FANCL: variants seen among roughly 807,000 people sequenced by gnomAD.
FANCL encodes FA complementation group L, also known as E3 ubiquitin-protein ligase FANCL.
A neutral mutation model predicts 59.4 loss-of-function variants in FANCL; 69 were observed. The ratio of observed to expected loss-of-function variants is 1.16; its 90% CI spans 0.96 to 1.42. The LOEUF (loss-of-function observed/expected upper bound fraction) is 1.42, where lower values mean the gene tolerates loss of function less well. Among genes scored for constraint, FANCL ranks in the 40% most tolerant of loss-of-function variants. FANCL has a pLI of 0.00. For synonymous variants in FANCL, 180 were observed against 147.1 expected (o/e 1.22, Z -1.62); for missense variants, 519 against 447.2 (o/e 1.16, Z -1.45).
chr2:58,192,202 G>T (rs114975892), intron 7 of FANCL, among the ~76,000 whole-genome samples: 1,758 of 151,928 alleles, frequency 0.012, 27 homozygotes, highest in African/African-American at 0.038. Flanking sequence ...CATTCCACAA[G>T]TATCTCATGT....
chr2:58,220,589 T>C (rs546930755), intron 5 of FANCL, among the ~76,000 whole-genome samples: 2 of 148,424 alleles, frequency 1.3e-5, no homozygotes, highest in African/African-American at 5.3e-5. Context: ...TAAGTCTCTA[T>C]TTAGTTTTTC....
intron 7 of FANCL, among the ~76,000 whole-genome samples, chr2:58,166,342 T>C (rs1685953030): frequency 6.6e-6 from 1 of 152,170 alleles, no homozygotes; most frequent in Non-Finnish European, 1.5e-5. Context: ...TTAAATATTA[T>C]TAAAAACTTT....
chr2:58,240,287 G>A (rs927773588), intron 1 of FANCL, among the ~76,000 whole-genome samples: 6 of 152,140 alleles, frequency 3.9e-5, no homozygotes, highest in Non-Finnish European at 8.8e-5. Context: ...TTCTGTGATG[G>A]TCATATGGTA....
chr2:58,228,123 GT>G (rs201513341), intron 3 of FANCL, among the ~76,000 whole-genome samples: 2,737 of 151,358 alleles, frequency 0.018, 79 homozygotes, highest in African/African-American at 0.06. Flanking sequence ...TGTGATTTTT[GT>G]CCTCTCACAA....
At position 58,160,931 on chromosome 2, in the gene FANCL, T is replaced by C. The variant is rs187462715; in HGVS notation, c.1020+591A>G. ...TCTGTATATAGTTACACACAGTTTA[T>C]CATGTATCAACTAGGCCCTAAGGTG... On this transcript the variant is annotated intron_variant, in intron 12 of 13. Coordinates refer to ENST00000233741, the MANE Select transcript of FANCL (RefSeq NM_018062.4). Among the ~76,000 whole-genome samples the C allele has an allele frequency of 2.4e-3, 363 of 152,064 alleles. 6 individuals are homozygous for C. The Middle Eastern group carries it at 0.061, about 26-fold the overall frequency.
chr2:58,194,681 C>T (rs1416409908), intron 7 of FANCL, among the ~76,000 whole-genome samples: 2 of 151,994 alleles, frequency 1.3e-5, no homozygotes, highest in Non-Finnish European at 2.9e-5. Context: ...GCTGATCATG[C>T]TGTGAGACAC....
At chr2:58,226,572 T>C (rs1000155900) in intron 4 of FANCL, among the ~76,000 whole-genome samples, 156 bp downstream of exon 4, 3 of 152,148 alleles carry the variant, frequency 2.0e-5, no homozygotes, top group Non-Finnish European at 2.9e-5. Context: ...GTTCAAGAAA[T>C]GCGTCATCTA....
intron 7 of FANCL, among the ~76,000 whole-genome samples, chr2:58,171,934 A>C (rs1214688183): frequency 2.0e-5 from 3 of 152,202 alleles, no homozygotes; most frequent in Non-Finnish European, 4.4e-5. Flanking sequence ...GGTTTAAAAA[A>C]CGGCACACCA....
At chr2:58,194,281 A>G (rs553443669) in intron 7 of FANCL, 8 of 471,028 alleles carry the variant, frequency 1.7e-5, no homozygotes, top group South Asian at 1.1e-4. Context: ...GACCTGGACA[A>G]AAGGAATTTC....
At chr2:58,219,060 C>CTGA (rs1692142352) in intron 5 of FANCL, among the ~76,000 whole-genome samples, 1 of 144,304 alleles carries the variant, frequency 6.9e-6, no homozygotes. Context: ...GCAACCAGGA[C>CTGA]TCCTTGGAAA....
At chr2:58,205,910 G>C (rs1432609091) in intron 5 of FANCL, among the ~76,000 whole-genome samples, 1 of 152,052 alleles carries the variant, frequency 6.6e-6, no homozygotes, top group Non-Finnish European at 1.5e-5. Flanking sequence ...TAATTACTCT[G>C]CCACTAACTT....
At chr2:58,239,043 T>C (rs893776301) in intron 1 of FANCL, among the ~76,000 whole-genome samples, 7 of 152,144 alleles carry the variant, frequency 4.6e-5, no homozygotes, top group African/African-American at 1.7e-4. Flanking sequence ...AAGCAGGCAA[T>C]GCTACTCCTT....
chr2:58,179,933 A>G (rs1478703534), intron 7 of FANCL, among the ~76,000 whole-genome samples: 1 of 152,232 alleles, frequency 6.6e-6, no homozygotes, highest in East Asian at 1.9e-4. Flanking sequence ...ACATTTCTCA[A>G]AAGAACACAT....
intron 7 of FANCL, among the ~76,000 whole-genome samples, chr2:58,189,054 T>C (rs1247201858): frequency 1.3e-5 from 2 of 152,120 alleles, no homozygotes; most frequent in Non-Finnish European, 2.9e-5. Flanking sequence ...AACAAATCAA[T>C]GGTAGCATAA....
chr2:58,160,392 C>T (rs1684967310), intron 12 of FANCL, among the ~76,000 whole-genome samples: 1 of 151,950 alleles, frequency 6.6e-6, no homozygotes, highest in African/African-American at 2.4e-5. Flanking sequence ...GAATTGAAGG[C>T]CTAAACCACT....
At chr2:58,215,695 A>AT (rs1691643565) in intron 5 of FANCL, among the ~76,000 whole-genome samples, 1 of 141,258 alleles carries the variant, frequency 7.1e-6, no homozygotes. Flanking sequence ...GAGAGCTGCT[A>AT]TTAAGTGGCA....
chr2:58,164,587 A>C (rs972188183), intron 8 of FANCL, among the ~76,000 whole-genome samples: 2 of 151,858 alleles, frequency 1.3e-5, no homozygotes, highest in African/African-American at 4.8e-5. Flanking sequence ...TCATGCCTGG[A>C]GGAGAAAAAA....
intron 7 of FANCL, among the ~76,000 whole-genome samples, chr2:58,173,852 A>C (rs1686955833): frequency 6.6e-6 from 1 of 152,170 alleles, no homozygotes; most frequent in Admixed American, 6.5e-5. Context: ...TAATTGGATA[A>C]AGAGTCAAGA....
intron 4 of FANCL, among the ~76,000 whole-genome samples, chr2:58,225,260 G>A (rs1048602235): frequency 1.3e-5 from 2 of 151,230 alleles, no homozygotes; most frequent in African/African-American, 2.4e-5. Context: ...CCCTGTGACA[G>A]TTGCTAGGCA....
Sources: gnomAD v4.1 joint callset for allele counts (sites outside exome capture counted in the v4.1 genomes callset) on GRCh38, gnomAD v4.1.1 for gene constraint, MANE v1.5 for transcripts, NCBI Gene and HGNC (gene_info 2026-07-23, HGNC 2026-07-21) for gene names.